The following ACBD6 variants were observed in gnomAD, a reference collection of about 807,000 sequenced individuals.
The protein encoded by ACBD6 is acyl-CoA binding domain containing 6.
Under a neutral mutation model 37.2 loss-of-function variants are expected in ACBD6, and 28 were observed. The ratio of observed to expected loss-of-function variants is 0.75; its 90% CI spans 0.56 to 1.03. The LOEUF is 1.03. Ranked by LOEUF, ACBD6 falls within the 50% of genes least tolerant of loss-of-function variation. The probability of loss-of-function intolerance (pLI) is 0.00; values close to 1 mark genes in which losing one functional copy is unlikely to be tolerated. For synonymous variants in ACBD6, 113 were observed against 126.8 expected, an observed-to-expected ratio of 0.89 and a Z score of 0.73; for missense variants, 340 against 337.4, an observed-to-expected ratio of 1.01 and a Z score of -0.06.
chr1:180,381,166 A>G (rs1338516724), intron 6 of ACBD6, among the ~76,000 whole-genome samples: 2 of 152,216 alleles, frequency 1.3e-5, no homozygotes, highest in African/African-American at 2.4e-5. Flanking sequence ...GAAAGAGGTT[A>G]CAATTGTAAA....
chr1:180,470,146 T>C (rs1349851680), intron 3 of ACBD6, among the ~76,000 whole-genome samples: 1 of 152,144 alleles, frequency 6.6e-6, no homozygotes, highest in Non-Finnish European at 1.5e-5. Context: ...ATGCTAAATT[T>C]CCCTATATCG....
chr1:180,398,978 C>A (rs1188368900), intron 5 of ACBD6, among the ~76,000 whole-genome samples: 2 of 152,172 alleles, frequency 1.3e-5, no homozygotes, highest in Non-Finnish European at 1.5e-5. Flanking sequence ...ATCATTCAGA[C>A]TTTCTTCACA....
At chr1:180,397,479 A>C (rs1304570593) in intron 6 of ACBD6, 37 bp downstream of exon 6, 2 of 1,550,430 alleles carry the variant, frequency 1.3e-6, no homozygotes, top group Non-Finnish European at 1.8e-6. Flanking sequence ...ATTATACTTC[A>C]ATTTAAAAAA....
At chr1:180,386,778 T>C (rs1260765807) in intron 6 of ACBD6, among the ~76,000 whole-genome samples, 1 of 152,084 alleles carries the variant, frequency 6.6e-6, no homozygotes, top group Non-Finnish European at 1.5e-5. Flanking sequence ...TTTAGATCTC[T>C]TATTCCTTTG....
At chr1:180,383,641 G>A (rs1278707520) in intron 6 of ACBD6, among the ~76,000 whole-genome samples, 2 of 152,056 alleles carry the variant, frequency 1.3e-5, no homozygotes, top group East Asian at 1.9e-4. Context: ...AAATATTGAC[G>A]TCATTTTTCA....
chr1:180,305,011 C>T (rs1446181721), intron 7 of ACBD6, among the ~76,000 whole-genome samples: 3 of 152,088 alleles, frequency 2.0e-5, no homozygotes, highest in African/African-American at 7.2e-5. Context: ...GAAAGGATTC[C>T]CTATTTAATA....
chr1:180,407,321 G>T (rs936321019), intron 5 of ACBD6, among the ~76,000 whole-genome samples: 2 of 152,174 alleles, frequency 1.3e-5, no homozygotes, highest in Non-Finnish European at 2.9e-5. Flanking sequence ...GTAGCTGCAT[G>T]GTTAACAAAC....
At chr1:180,494,997 G>A (rs1651676341) in intron 2 of ACBD6, among the ~76,000 whole-genome samples, 1 of 152,064 alleles carries the variant, frequency 6.6e-6, no homozygotes, top group African/African-American at 2.4e-5. Context: ...ATTTACTGTG[G>A]CATGGGTGGG....
chr1:180,473,445 T>G (rs1204522693), intron 3 of ACBD6, among the ~76,000 whole-genome samples: 1 of 65,754 alleles, frequency 1.5e-5, no homozygotes, highest in South Asian at 4.0e-4. Flanking sequence ...AGACTCCGTC[T>G]CAAAAAAAAA....
At chr1:180,336,795 T>A (rs1416508234) in intron 6 of ACBD6, among the ~76,000 whole-genome samples, 1 of 151,788 alleles carries the variant, frequency 6.6e-6, no homozygotes, top group Non-Finnish European at 1.5e-5. Flanking sequence ...AAGAATCAAA[T>A]AGATGCAATA....
At chr1:180,417,135 A>C (rs1648131255) in intron 4 of ACBD6, among the ~76,000 whole-genome samples, 1 of 152,226 alleles carries the variant, frequency 6.6e-6, no homozygotes, top group Admixed American at 6.5e-5. Flanking sequence ...TAGGGTACAT[A>C]AACTCCTTTA....
chr1:180,301,156 C>T (rs987812503), intron 7 of ACBD6, among the ~76,000 whole-genome samples: 7 of 152,172 alleles, frequency 4.6e-5, no homozygotes, highest in Non-Finnish European at 8.8e-5. Flanking sequence ...AATAACACCA[C>T]TACTGTATAT....
chr1:180,360,605 C>T (rs1217758937), intron 6 of ACBD6, among the ~76,000 whole-genome samples: 1 of 152,094 alleles, frequency 6.6e-6, no homozygotes, highest in Non-Finnish European at 1.5e-5. Context: ...CATTCGAGAA[C>T]CACTGCCCTA....
At chr1:180,467,448 C>CAAAAAAAAAAAA (rs57941230) in intron 3 of ACBD6, among the ~76,000 whole-genome samples, 5 of 72,534 alleles carry the variant, frequency 6.9e-5, no homozygotes, top group Non-Finnish European at 1.2e-4. Context: ...TCCATCTCTG[C>CAAAAAAAAAAAA]AAAAAAAAAA....
intron 1 of ACBD6, among the ~76,000 whole-genome samples, chr1:180,496,576 C>T (rs1241378303): frequency 2.0e-5 from 3 of 152,136 alleles, no homozygotes; most frequent in Non-Finnish European, 4.4e-5. Flanking sequence ...CTTCTTTCCT[C>T]AGCTTTTCAA....
rs1348382066 is a variant in ACBD6, at chr1:180,498,847, A to T, written c.222+3198T>A. ...CATTCCAGCCTGGATGACAGAGCAA[A>T]ACTGTCTCAAAAAAAAAAAAAAAAG... On this transcript the variant is annotated intron_variant, in intron 1 of 7. Coordinates refer to ENST00000367595, the MANE Select transcript of ACBD6 (RefSeq NM_032360.4). Among the ~76,000 whole-genome samples the T allele has an allele frequency of 5.6e-4, 85 of 150,644 alleles. 1 individual carries two copies. Among genetic ancestry groups the T allele is most frequent in the Non-Finnish European group, 2.2e-4 (15 of 67,680 alleles).
chr1:180,363,371 T>C (rs1041688407), intron 6 of ACBD6, among the ~76,000 whole-genome samples: 13 of 152,218 alleles, frequency 8.5e-5, no homozygotes, highest in Admixed American at 1.3e-4. Context: ...TTTTTCCTTA[T>C]GAGCTAAGTG....
chr1:180,404,349 CG>C (rs752909967), intron 5 of ACBD6, among the ~76,000 whole-genome samples: 14 of 152,052 alleles, frequency 9.2e-5, no homozygotes, highest in Non-Finnish European at 1.2e-4. Flanking sequence ...TATCACGAGA[CG>C]GGATCTCACT....
intron 6 of ACBD6, among the ~76,000 whole-genome samples, chr1:180,377,340 T>C (rs1259629066): frequency 6.6e-6 from 1 of 152,226 alleles, no homozygotes; most frequent in Non-Finnish European, 1.5e-5. Flanking sequence ...TACATATATT[T>C]TGTAGCTCTG....
Sources: allele counts gnomAD v4.1 joint callset (sites outside exome capture counted in the v4.1 genomes callset), GRCh38; gene constraint gnomAD v4.1.1; transcripts MANE v1.5; gene names NCBI Gene and HGNC (gene_info 2026-07-23, HGNC 2026-07-21).